The following TRMT9B variants were observed in gnomAD, a reference collection of about 807,000 sequenced individuals.
The protein encoded by TRMT9B is tRNA methyltransferase 9B (putative).
Under a neutral mutation model 11.5 loss-of-function variants are expected in TRMT9B, and 16 were observed. The observed-to-expected ratio is 1.39, with a 90% CI of 0.94 to 2.11. The LOEUF (loss-of-function observed/expected upper bound fraction) is 2.11. Among genes scored for constraint, TRMT9B ranks in the 30% most tolerant of loss-of-function variants. The probability of loss-of-function intolerance (pLI) is 0.00; values close to 1 mark genes in which losing one functional copy is unlikely to be tolerated. For synonymous variants in TRMT9B, 274 were observed against 192.4 expected, an observed-to-expected ratio of 1.42 and a Z score of -3.51; for missense variants, 941 against 553.8, an observed-to-expected ratio of 1.70 and a Z score of -7.02.
At chr8:12,952,386 C>T (rs1800745125) in intron 1 of TRMT9B, 3 of 306,842 alleles carry the variant, frequency 9.8e-6, no homozygotes, top group Non-Finnish European at 2.0e-5. Context: ...CCCTGCCTTT[C>T]CAGTAGCCCG....
intron 2 of TRMT9B, among the ~76,000 whole-genome samples, chr8:13,005,085 C>CAAAAA (rs1223540759): frequency 3.4e-5 from 3 of 87,696 alleles, no homozygotes; most frequent in African/African-American, 1.3e-4. Flanking sequence ...GACTGCATCT[C>CAAAAA]AAAAAAAAAA....
chr8:12,997,875 T>TA (rs1190355276), intron 2 of TRMT9B, among the ~76,000 whole-genome samples: 1 of 152,188 alleles, frequency 6.6e-6, no homozygotes, highest in East Asian at 1.9e-4. Flanking sequence ...AGTGGTGTAT[T>TA]AGAACTCACC....
At chr8:13,014,543 G>C (rs1389137026) in intron 4 of TRMT9B, among the ~76,000 whole-genome samples, 3 of 152,062 alleles carry the variant, frequency 2.0e-5, no homozygotes, top group African/African-American at 7.2e-5. Flanking sequence ...AGCCCATAAT[G>C]GGGGCCCCAC....
rs775196514 is a variant in TRMT9B at position 13,022,344 on chromosome 8, A to G, written c.*300A>G. The G allele has an allele frequency of 3.8e-5, 10 of 265,216 alleles. No individual in the cohort carries two copies. The highest frequency in any genetic ancestry group is 1.0e-4 in the Admixed American group (2 of 19,458). The allele number at this position is 265,216 out of a possible 1,614,324, so 16.4% of individuals were successfully genotyped here. A position where few individuals can be genotyped will look rare whatever the true frequency, so the allele number is the denominator to read the frequency against. On this transcript the variant is annotated 3_prime_UTR_variant, in exon 5 of 5. Transcript: ENST00000524591. The stretch of plus-strand genomic sequence containing the variant: ...TTTTAACCCCAGAGAGATAAAATAC[A>G]TGTATAGTGTTTTTCAGTATTACAC...
chr8:13,015,062 T>A, intron 4 of TRMT9B, among the ~76,000 whole-genome samples: 1 of 112,618 alleles, frequency 8.9e-6, no homozygotes, highest in East Asian at 2.0e-4. Flanking sequence ...CCATCTGAAA[T>A]AAATAAATAA....
rs1481985203 is a variant in TRMT9B, at chr8:13,028,688, G to A, written c.*6644G>A. On this transcript the variant is annotated 3_prime_UTR_variant, in exon 5 of 5. Transcript: ENST00000524591. ...CCTCCCAGGTTTAAGCAATTCTCGT[G>A]CCTCAGCCTCCTGAATAGCTGGGAT... 6.7e-6 allele frequency: 1 copy of A among 150,152 alleles called. No individual in the cohort carries two copies. Among genetic ancestry groups the A allele is most frequent in the East Asian group, 2.0e-4 (1 of 5,042 alleles). The allele number at this position is 150,152 out of a possible 1,614,324, so 9.3% of individuals were successfully genotyped here.
At chr8:12,956,065 A>T (rs952838143) in intron 1 of TRMT9B, among the ~76,000 whole-genome samples, 2 of 152,184 alleles carry the variant, frequency 1.3e-5, no homozygotes, top group African/African-American at 4.8e-5. Flanking sequence ...TTTTCCTTAG[A>T]TGCTCTCCAC....
intron 1 of TRMT9B, among the ~76,000 whole-genome samples, chr8:12,986,706 T>A (rs557864855): frequency 3.3e-5 from 5 of 152,354 alleles, no homozygotes; most frequent in Non-Finnish European, 7.3e-5. Flanking sequence ...ATAGTAGTGG[T>A]ACATTGTACT....
At chr8:12,993,405 G>GTGCTATT (rs1807730004) in intron 2 of TRMT9B, among the ~76,000 whole-genome samples, 1 of 152,166 alleles carries the variant, frequency 6.6e-6, no homozygotes, top group Non-Finnish European at 1.5e-5. Flanking sequence ...TGTGGTTTAC[G>GTGCTATT]CAGTTACCTT....
At chr8:12,955,963 A>G (rs920595066) in intron 1 of TRMT9B, among the ~76,000 whole-genome samples, 4 of 152,212 alleles carry the variant, frequency 2.6e-5, no homozygotes, top group African/African-American at 7.2e-5. Flanking sequence ...GCTGTGTTCC[A>G]TTGATCAGAG....
intron 1 of TRMT9B, among the ~76,000 whole-genome samples, chr8:12,984,692 C>G (rs1008008802): frequency 1.3e-5 from 2 of 152,262 alleles, no homozygotes; most frequent in African/African-American, 2.4e-5. Flanking sequence ...TTTTGTCAAA[C>G]TGACACCAGC....
At chr8:12,973,692 C>T (rs970057244) in intron 1 of TRMT9B, among the ~76,000 whole-genome samples, 7 of 152,094 alleles carry the variant, frequency 4.6e-5, no homozygotes, top group Non-Finnish European at 8.8e-5. Context: ...GCCAGCAGGA[C>T]GGTGGATTAT....
intron 1 of TRMT9B, among the ~76,000 whole-genome samples, chr8:12,977,595 G>A (rs1360143833): frequency 6.6e-6 from 1 of 152,132 alleles, no homozygotes; most frequent in East Asian, 1.9e-4. Context: ...CAGCTACTTG[G>A]GAGGCTGAGG....
chr8:13,001,593 C>A (rs1401474), intron 2 of TRMT9B, among the ~76,000 whole-genome samples: 9,228 of 152,250 alleles, frequency 0.061, 347 homozygotes, highest in African/African-American at 0.1. Context: ...AACATTTCCA[C>A]AGTGTCTTCT....
intron 1 of TRMT9B, among the ~76,000 whole-genome samples, chr8:12,953,776 G>A (rs923344092): frequency 6.6e-6 from 1 of 152,182 alleles, no homozygotes; most frequent in African/African-American, 2.4e-5. Context: ...ACTTGGGAGG[G>A]TGGAAGTGGC....
intron 1 of TRMT9B, among the ~76,000 whole-genome samples, chr8:12,953,438 C>T (rs1800903482): frequency 6.6e-6 from 1 of 152,126 alleles, no homozygotes; most frequent in Admixed American, 6.5e-5. Context: ...CAACTTCCGT[C>T]TCCCGAGTTC....
At chr8:12,991,110 C>A in intron 2 of TRMT9B, 79 bp downstream of exon 2, 2 of 577,210 alleles carry the variant, frequency 3.5e-6, no homozygotes, top group South Asian at 6.9e-5. Flanking sequence ...GAACCTAATT[C>A]TTCCCAATCC....
rs1212084390 is a variant in TRMT9B, at chr8:13,029,520, A to T, written c.*7476A>T. 1 of 166,894 alleles carries T rather than the reference A, an allele frequency of 6.0e-6. No homozygotes were observed. Among genetic ancestry groups the T allele is most frequent in the Non-Finnish European group, 1.5e-5 (1 of 68,122 alleles). The allele number at this position is 166,894 out of a possible 1,614,324, so 10.3% of individuals were successfully genotyped here. ...TTAAGTTAAGTATCAGTGTATTTTTAAAAAGTGTTCCCAGGTGAACAAAAG... is the reference window on the plus strand; with the variant it reads ...TTAAGTTAAGTATCAGTGTATTTTTTAAAAGTGTTCCCAGGTGAACAAAAG... On this transcript the variant is annotated 3_prime_UTR_variant, in exon 5 of 5. Coordinates refer to ENST00000524591, the MANE Select transcript of TRMT9B (RefSeq NM_020844.3).
At chr8:12,950,772 C>G (rs1800544156) in intron 1 of TRMT9B, among the ~76,000 whole-genome samples, 1 of 151,968 alleles carries the variant, frequency 6.6e-6, no homozygotes, top group South Asian at 2.1e-4. Flanking sequence ...CTATGTGAGA[C>G]CTGTAGTTGT....
Sources: allele counts gnomAD v4.1 joint callset (sites outside exome capture counted in the v4.1 genomes callset), GRCh38; gene constraint gnomAD v4.1.1; transcripts MANE v1.5; gene names NCBI Gene and HGNC (gene_info 2026-07-23, HGNC 2026-07-21).